Variants in PPARGC1A observed in about 807,000 individuals in gnomAD.
The protein encoded by PPARGC1A is peroxisome proliferator-activated receptor gamma coactivator 1-alpha.
Under a neutral mutation model 88.7 loss-of-function variants are expected in PPARGC1A, and 25 were observed. The ratio of observed to expected loss-of-function variants is 0.28; its 90% CI spans 0.21 to 0.39. The LOEUF is 0.39. PPARGC1A is among the 10% of genes least tolerant of loss of function. PPARGC1A has a pLI of 1.00. For synonymous variants in PPARGC1A, 363 were observed against 355.6 expected (o/e 1.02, Z -0.24); for missense variants, 880 against 968.7 (o/e 0.91, Z 1.22).
the PPARGC1A span, among the ~76,000 whole-genome samples, chr4:24,143,747 C>G: frequency 6.6e-6 from 1 of 152,102 alleles, no homozygotes; most frequent in Non-Finnish European, 1.5e-5. Flanking sequence ...AAAAACTGAG[C>G]TAGGAATAAA....
At chr4:23,972,137 GAAATA>G in the PPARGC1A span, among the ~76,000 whole-genome samples, 7 of 152,218 alleles carry the variant, frequency 4.6e-5, no homozygotes, top group South Asian at 6.2e-4. Flanking sequence ...GACATTTAAA[GAAATA>G]AAATAAAATT....
chr4:23,858,274 A>T (rs1730570671), intron 2 of PPARGC1A, among the ~76,000 whole-genome samples: 1 of 152,180 alleles, frequency 6.6e-6, no homozygotes, highest in African/African-American at 2.4e-5. Context: ...CATAAGCTCC[A>T]GGAGGGCAGG....
At chr4:24,329,109 G>A in the PPARGC1A span, among the ~76,000 whole-genome samples, 6 of 147,210 alleles carry the variant, frequency 4.1e-5, no homozygotes, top group South Asian at 2.1e-4. Context: ...AATGTGGAAC[G>A]GAGCAGAGTG....
the PPARGC1A span, among the ~76,000 whole-genome samples, chr4:24,211,486 T>G: frequency 6.6e-6 from 1 of 152,130 alleles, no homozygotes; most frequent in Non-Finnish European, 1.5e-5. Flanking sequence ...TCCCTTTTCT[T>G]GTGTCCCCAG....
chr4:24,306,759 A>G, the PPARGC1A span, among the ~76,000 whole-genome samples: 27 of 152,254 alleles, frequency 1.8e-4, no homozygotes, highest in African/African-American at 6.0e-4. Flanking sequence ...CCTGCAGGTC[A>G]TAGCTTGCTC....
intron 2 of PPARGC1A, among the ~76,000 whole-genome samples, chr4:23,841,129 G>A (rs1181740022): frequency 6.6e-6 from 1 of 152,074 alleles, no homozygotes; most frequent in Non-Finnish European, 1.5e-5. Flanking sequence ...AGGATACTGG[G>A]ACACATCATC....
At chr4:24,404,418 A>G in the PPARGC1A span, among the ~76,000 whole-genome samples, 1 of 152,084 alleles carries the variant, frequency 6.6e-6, no homozygotes, top group Admixed American at 6.6e-5. Flanking sequence ...CTAATAAAGT[A>G]AAAATCTTTA....
chr4:23,955,203 C>A, the PPARGC1A span, among the ~76,000 whole-genome samples: 2 of 151,976 alleles, frequency 1.3e-5, no homozygotes, highest in African/African-American at 2.4e-5. Flanking sequence ...GCAGTGATTT[C>A]TTTATTGCTG....
At chr4:24,050,747 T>C in the PPARGC1A span, among the ~76,000 whole-genome samples, 1 of 152,214 alleles carries the variant, frequency 6.6e-6, no homozygotes, top group African/African-American at 2.4e-5. Context: ...GTGGAATCTA[T>C]TTCTACAAAA....
the PPARGC1A span, among the ~76,000 whole-genome samples, chr4:24,054,994 T>A: frequency 1.3e-5 from 2 of 152,216 alleles, no homozygotes; most frequent in African/African-American, 4.8e-5. Flanking sequence ...CCCTGTGAAT[T>A]AAGTTCTGTC....
chr4:23,819,393 C>G (rs956973082), intron 7 of PPARGC1A, among the ~76,000 whole-genome samples: 3 of 152,174 alleles, frequency 2.0e-5, no homozygotes, highest in Non-Finnish European at 4.4e-5. Flanking sequence ...TACTGGGTAA[C>G]AAACTGGCCT....
the PPARGC1A span, among the ~76,000 whole-genome samples, chr4:24,299,422 A>G: frequency 2.6e-5 from 4 of 152,312 alleles, no homozygotes; most frequent in East Asian, 7.7e-4. Context: ...TGACTTAGGA[A>G]CCTACTTACA....
chr4:24,071,634 A>G, the PPARGC1A span, among the ~76,000 whole-genome samples: 8 of 152,122 alleles, frequency 5.3e-5, no homozygotes, highest in Non-Finnish European at 1.0e-4. Context: ...TAAATGGTCT[A>G]ACTTTCTAGA....
chr4:23,891,118 G>C (rs1398609858), upstream of PPARGC1A, among the ~76,000 whole-genome samples: 1 of 152,120 alleles, frequency 6.6e-6, no homozygotes, highest in East Asian at 1.9e-4. Context: ...GAGACAATGA[G>C]GGCTAATGCA....
At chr4:23,915,565 T>C in the PPARGC1A span, among the ~76,000 whole-genome samples, 1 of 152,262 alleles carries the variant, frequency 6.6e-6, no homozygotes, top group African/African-American at 2.4e-5. Context: ...TCTATTCTGC[T>C]AAAATGTAAC....
At chr4:24,342,220 C>A in the PPARGC1A span, among the ~76,000 whole-genome samples, 1 of 152,134 alleles carries the variant, frequency 6.6e-6, no homozygotes, top group African/African-American at 2.4e-5. Context: ...CTTATTGAGA[C>A]CTTACTATGT....
the PPARGC1A span, among the ~76,000 whole-genome samples, chr4:24,108,996 TCACACA>T: frequency 5.0e-5 from 7 of 139,280 alleles, no homozygotes; most frequent in Middle Eastern, 3.6e-3. Flanking sequence ...GCTATAAAAA[TCACACA>T]CACACACACA....
At chr4:23,941,808 T>C in the PPARGC1A span, among the ~76,000 whole-genome samples, 1 of 152,172 alleles carries the variant, frequency 6.6e-6, no homozygotes, top group African/African-American at 2.4e-5. Flanking sequence ...AGGAACTCAC[T>C]GCATGCACCC....
At chr4:24,462,820 G>A in the PPARGC1A span, among the ~76,000 whole-genome samples, 1 of 151,304 alleles carries the variant, frequency 6.6e-6, no homozygotes, top group Admixed American at 6.6e-5. Flanking sequence ...ACTGGTGAGA[G>A]CAACATTGAC....
Sources: allele counts gnomAD v4.1 joint callset (sites outside exome capture counted in the v4.1 genomes callset), GRCh38; gene constraint gnomAD v4.1.1; transcripts MANE v1.5; gene names NCBI Gene and HGNC (gene_info 2026-07-23, HGNC 2026-07-21).